Variants in RPL3L observed in about 807,000 individuals in gnomAD.
RPL3L encodes ribosomal protein L3 like, also known as ribosomal protein uL3-like.
Under a neutral mutation model 44.5 loss-of-function variants are expected in RPL3L, and 44 were observed. That is an observed-to-expected ratio of 0.99 (90% CI 0.78 to 1.27). The LOEUF is 1.27. Among genes scored for constraint, RPL3L ranks in the 50% most tolerant of loss-of-function variants. The probability of loss-of-function intolerance (pLI) is 0.00; values close to 1 mark genes in which losing one functional copy is unlikely to be tolerated. For missense variants in RPL3L, 631 were observed against 569.1 expected (o/e 1.11, Z -1.11); for synonymous variants, 292 against 230.7 (o/e 1.27, Z -2.41).
At chr16:1,947,510 G>T in intron 4 of RPL3L, 130 bp from the exon 5 acceptor site, 1 of 1,160,830 alleles carries the variant, frequency 8.6e-7, no homozygotes, top group African/African-American at 1.6e-5. Context: ...CCAGGATCAG[G>T]TTGCAACCCA....
intron 2 of RPL3L, among the ~76,000 whole-genome samples, chr16:1,953,462 C>T (rs1292450657): frequency 6.6e-6 from 1 of 152,202 alleles, no homozygotes; most frequent in East Asian, 1.9e-4. Context: ...TCAAATGATC[C>T]TCCTGCCTCG....
rs754178900 is a variant in RPL3L at position 1,953,923 on chromosome 16, C to T, written c.196+33G>A. Reference sequence around the variant, plus strand: ...CCGAGCATCTGGAAGGTTCAGCCCTCCCCCTCCCCCAAGGGTCCCAACTGT... The same window carrying T: ...CCGAGCATCTGGAAGGTTCAGCCCTTCCCCTCCCCCAAGGGTCCCAACTGT... On this transcript the variant is annotated intron_variant, in intron 2 of 9. Transcript: ENST00000268661. 2.8e-5 allele frequency: 41 copies of T among 1,468,534 alleles called. 1 individual carries two copies. The Middle Eastern group carries it at 6.3e-4, about 23-fold the overall frequency. The allele number at this position is 1,468,534 out of a possible 1,614,324, so 91.0% of individuals were successfully genotyped here.
At chr16:1,947,777 C>T (rs2083135423) in intron 4 of RPL3L, among the ~76,000 whole-genome samples, 1 of 152,028 alleles carries the variant, frequency 6.6e-6, no homozygotes, top group African/African-American at 2.4e-5. Flanking sequence ...CAGGACCCCG[C>T]ATTTGCACAG....
chr16:1,950,995 G>A lies in RPL3L; in HGVS notation c.366-16C>T, dbSNP rs758322610. The A allele has an allele frequency of 6.2e-7, 1 of 1,612,546 alleles. No homozygotes were observed. The highest frequency in any genetic ancestry group is 8.5e-7 in the Non-Finnish European group (1 of 1,179,436). On this transcript the variant is annotated splice_polypyrimidine_tract_variant and intron_variant, in intron 3 of 9. Transcript: ENST00000268661. Reference sequence around the variant, plus strand: ...GCTCTTGTGCCTGAGCCATGCACAGGAGGGTGCTCAGAAGCCCCCAACCGG... The same window carrying A: ...GCTCTTGTGCCTGAGCCATGCACAGAAGGGTGCTCAGAAGCCCCCAACCGG...
chr16:1,946,564 C>A (rs2083121509), intron 7 of RPL3L, 61 bp downstream of exon 7: 2 of 1,552,746 alleles, frequency 1.3e-6, no homozygotes, highest in East Asian at 2.3e-5. Flanking sequence ...GCCAGCCTGA[C>A]CCCACTCCAG....
intron 1 of RPL3L, 102 bp from the exon 2 acceptor site, chr16:1,954,250 A>T: frequency 4.9e-6 from 6 of 1,235,014 alleles, no homozygotes; most frequent in East Asian, 2.8e-5. Flanking sequence ...CAGGCTTCAG[A>T]CTGAGGCCTG....
chr16:1,950,879 A>C lies in RPL3L; in HGVS notation c.466T>G (p.Tyr156Asp), dbSNP rs761976111. The change falls in exon 4 of 10, where the codon TAC becomes GAC. Residue 156 changes from tyrosine to aspartate, a missense_variant. Transcript: ENST00000268661. Reference sequence around the variant, plus strand: ...ACAATGACCCGAATGACCTTGCAGTACTTCTTCATGGCGGCGAAGTCCTTC... The same window carrying C: ...ACAATGACCCGAATGACCTTGCAGTCCTTCTTCATGGCGGCGAAGTCCTTC... ...LQKDFAAMKK[Y>D]CKVIRVIVHT... is the part of the protein sequence containing the mutation. The C allele has an allele frequency of 6.2e-7, 1 of 1,614,062 alleles. No individual in the cohort carries two copies. Among genetic ancestry groups the C allele is most frequent in the South Asian group, 1.1e-5 (1 of 91,090 alleles).
In RPL3L at chr16:1,945,543, C is replaced by T. The variant is rs2083114442; in HGVS notation, c.1123G>A (p.Gly375Ser). 10 of 1,613,622 alleles carry T rather than the reference C, an allele frequency of 6.2e-6. No homozygotes were observed. Among genetic ancestry groups the T allele is most frequent in the South Asian group, 2.2e-5 (2 of 91,040 alleles). The change falls in exon 9 of 10, where the codon GGC (glycine) becomes AGC (serine). Residue 375 changes from glycine to serine, a missense_variant. Physicochemically the swap from Gly to Ser is moderately conservative, Grantham distance 56. Transcript: ENST00000268661. ...LKFIDTTSKF[G>S]HGRFQTAQEK... ...TGGGCTGTCTGGAAGCGGCCATGGC[C>T]GAACTTGGAGGTGGTGTCAATGAAC...
At chr16:1,950,031 GGACGGGGCAGGTATA>G (rs560981553) in intron 4 of RPL3L, among the ~76,000 whole-genome samples, 36 of 133,918 alleles carry the variant, frequency 2.7e-4, no homozygotes, top group African/African-American at 1.0e-3. Context: ...GAGCAGGTAT[GGACGGGGCAGGTATA>G]GACAGAGCAG....
Position 1,952,388 on chromosome 16 carries a change from T to C in RPL3L, c.365+486A>G, listed in dbSNP as rs1251537426. On this transcript the variant is annotated intron_variant, in intron 3 of 9. Transcript: ENST00000268661. ...TGTTTTTTGTTTTTTGTGTTTTTCT[T>C]GAGATTGAGACAGGGTTTCACTCTG... 2.0e-5 allele frequency among the ~76,000 whole-genome samples: 3 copies of C among 152,122 alleles called. No homozygotes were observed. In the East Asian group the frequency reaches 5.8e-4, roughly 29 times the overall value.
At chr16:1,952,813 A>G in intron 3 of RPL3L, 61 bp downstream of exon 3, 1 of 1,586,406 alleles carries the variant, frequency 6.3e-7, no homozygotes, top group Admixed American at 1.7e-5. Flanking sequence ...CTAGAGCCTC[A>G]GGCACCCAAC....
At chr16:1,945,398 G>A (rs1015824832) in intron 9 of RPL3L, 101 bp downstream of exon 9, 5 of 1,219,846 alleles carry the variant, frequency 4.1e-6, no homozygotes, top group African/African-American at 1.6e-5. Context: ...TCCTGCAGTT[G>A]AGCTCAGGGG....
rs34900670 is a variant in RPL3L, at chr16:1,949,009, C to CTTTTTTTTTTTTTTTTTTT, written c.502-1630_502-1629insAAAAAAAAAAAAAAAAAAA. Among the ~76,000 whole-genome samples the CTTTTTTTTTTTTTTTTTTT allele has an allele frequency of 2.2e-4, 28 of 124,628 alleles. 2 individuals carry two copies. Among genetic ancestry groups the CTTTTTTTTTTTTTTTTTTT allele is most frequent in the African/African-American group, 2.6e-4 (8 of 30,520 alleles). The allele number at this position is 124,628 out of a possible 152,430, so 81.8% of individuals were successfully genotyped here. A position where few individuals can be genotyped will look rare whatever the true frequency, so the allele number is the denominator to read the frequency against. On this transcript the variant is annotated intron_variant, in intron 4 of 9. Transcript: ENST00000268661. Reference sequence around the variant, plus strand: ...TACAGACGTGAGCCACCGCGCCTGGCTTTTTTTTTTTTTTTTTGTAGAGAT... The same window carrying CTTTTTTTTTTTTTTTTTTT: ...TACAGACGTGAGCCACCGCGCCTGGCTTTTTTTTTTTTTTTTTTTTTTTTTTTTTTTTTTTTGTAGAGAT...
At chr16:1,946,345 G>A (rs747110209) in intron 7 of RPL3L, among the ~76,000 whole-genome samples, 2 of 152,216 alleles carry the variant, frequency 1.3e-5, no homozygotes, top group African/African-American at 2.4e-5. Context: ...GATGTGGGAC[G>A]CAGCAGAGAT....
At chr16:1,954,294 G>T in intron 1 of RPL3L, 146 bp from the exon 2 acceptor site, 1 of 944,388 alleles carries the variant, frequency 1.1e-6, no homozygotes, top group Non-Finnish European at 1.5e-6. Context: ...CTACAGGAGG[G>T]GAGAGGAAGG....
intron 4 of RPL3L, 71 bp downstream of exon 4, chr16:1,950,773 C>G: frequency 6.2e-7 from 1 of 1,607,896 alleles, no homozygotes; most frequent in Non-Finnish European, 8.5e-7. Flanking sequence ...ACATTTGCCA[C>G]AGCTCCTGGA....
Position 1,949,859 on chromosome 16 carries a change from T to TAGGTATGTAGGAGGC in RPL3L, c.501+984_501+985insGCCTCCTACATACCT, listed in dbSNP as rs2083158243. 4.3e-3 allele frequency among the ~76,000 whole-genome samples: 10 copies of TAGGTATGTAGGAGGC among 2,302 alleles called. 2 individuals are homozygous for TAGGTATGTAGGAGGC. Among genetic ancestry groups the TAGGTATGTAGGAGGC allele is most frequent in the African/African-American group, 0.014 (5 of 358 alleles). 1.5% of individuals were successfully genotyped at this position (2,302 alleles called of 152,430 possible). On this transcript the variant is annotated intron_variant, in intron 4 of 9. Coordinates refer to ENST00000268661, the MANE Select transcript of RPL3L (RefSeq NM_005061.3). The stretch of plus-strand genomic sequence containing the variant: ...ATGGACGGGGTAGGTATGGACGGGG[T>TAGGTATGTAGGAGGC]AGGTATGTAGGGGGCAGGTATGTAG...
Position 1,947,353 on chromosome 16 carries a change from T to C in RPL3L, c.529A>G (p.Lys177Glu), listed in dbSNP as rs1279206174. 6.3e-7 allele frequency: 1 copy of C among 1,597,182 alleles called. No individual in the cohort carries two copies. The highest frequency in any genetic ancestry group is 8.5e-7 in the Non-Finnish European group (1 of 1,172,406). ...AGCTGGATCTCCATGATGTGGGCCTTCTTCTGCCGGAAGGGCAGCAGTTTC... is the reference window on the plus strand; with the variant it reads ...AGCTGGATCTCCATGATGTGGGCCTCCTTCTGCCGGAAGGGCAGCAGTTTC... ...QMKLLPFRQK[K>E]AHIMEIQLNG... The change falls in exon 5 of 10, where the codon AAG becomes GAG. Residue 177 changes from lysine to glutamate, a missense_variant. Coordinates refer to ENST00000268661, the MANE Select transcript of RPL3L (RefSeq NM_005061.3).
chr16:1,948,299 C>T (rs954436686), intron 4 of RPL3L, among the ~76,000 whole-genome samples: 1 of 152,064 alleles, frequency 6.6e-6, no homozygotes, highest in African/African-American at 2.4e-5. Flanking sequence ...TCTCGGCTCA[C>T]TGCAACCTCT....
Sources: gnomAD v4.1 joint callset for allele counts (sites outside exome capture counted in the v4.1 genomes callset) on GRCh38, gnomAD v4.1.1 for gene constraint, MANE v1.5 for transcripts, NCBI Gene and HGNC (gene_info 2026-07-23, HGNC 2026-07-21) for gene names.